Variants in LRRC4C observed in about 807,000 individuals in gnomAD.
LRRC4C encodes the protein leucine rich repeat containing 4C.
Under a neutral mutation model 33.6 loss-of-function variants are expected in LRRC4C, and 5 were observed. The ratio of observed to expected loss-of-function variants is 0.15; its 90% CI spans 0.08 to 0.31. The LOEUF (loss-of-function observed/expected upper bound fraction) is 0.31, where lower values mean the gene tolerates loss of function less well. Among genes scored for constraint, LRRC4C ranks in the 10% least tolerant of loss-of-function variants. The probability of loss-of-function intolerance (pLI) is 1.00; values close to 1 mark genes in which losing one functional copy is unlikely to be tolerated. For missense variants in LRRC4C, 560 were observed against 796.7 expected, an observed-to-expected ratio of 0.70 and a Z score of 3.58; for synonymous variants, 329 against 302.0, an observed-to-expected ratio of 1.09 and a Z score of -0.93.
At chr11:41,385,460 T>TA (rs575387756) in intron 1 of LRRC4C, among the ~76,000 whole-genome samples, 16 of 150,468 alleles carry the variant, frequency 1.1e-4, no homozygotes, top group East Asian at 7.8e-4. Flanking sequence ...ATGTTAATAG[T>TA]AAAAAAAAAC....
At chr11:40,643,404 G>C (rs1224589466) in intron 3 of LRRC4C, among the ~76,000 whole-genome samples, 3 of 152,084 alleles carry the variant, frequency 2.0e-5, no homozygotes, top group Non-Finnish European at 4.4e-5. Flanking sequence ...ATTTCCATCA[G>C]GGTAGCGTCA....
chr11:40,840,423 C>T (rs1952861702), intron 2 of LRRC4C, among the ~76,000 whole-genome samples: 1 of 152,074 alleles, frequency 6.6e-6, no homozygotes, highest in South Asian at 2.1e-4. Context: ...TTTTTTAGTG[C>T]TCCTGCAAAT....
chr11:40,116,115 C>G lies in LRRC4C; in HGVS notation c.178G>C (p.Val60Leu). The change falls in exon 7 of 7, where the codon GTG (valine) becomes CTG (leucine). Residue 60 changes from valine (V) to leucine (L), a missense_variant. This residue lies in a region of LRRC4C where 455 missense variants were observed against 643.8 expected (regional missense o/e 0.71). Transcript: ENST00000528697. ...VCSCSNQFSKVICVRKNLREV... is the reference protein window; with the variant it reads ...VCSCSNQFSKLICVRKNLREV... The stretch of plus-strand genomic sequence containing the variant: ...CGCAGGTTTTTCCGAACACAAATCA[C>G]CTTGCTGAACTGGTTGCTGCAGGAG... 6.2e-7 allele frequency: 1 copy of G among 1,614,080 alleles called. No homozygotes were observed. Among genetic ancestry groups the G allele is most frequent in the Non-Finnish European group, 8.5e-7 (1 of 1,180,014 alleles).
chr11:41,448,439 G>A (rs952833352), intron 1 of LRRC4C, among the ~76,000 whole-genome samples: 2 of 151,176 alleles, frequency 1.3e-5, no homozygotes, highest in Non-Finnish European at 1.5e-5. Context: ...CTGAGTAGCC[G>A]GGATTACAGG....
At position 41,239,116 on chromosome 11, in the gene LRRC4C, C is replaced by A. The variant is rs375954379; in HGVS notation, c.-496+220315G>T. ...GGATCACGAGGTCAGGAGATCGAGA[C>A]TATCCTGGCCAACACGGTGAAACCC... On this transcript the variant is annotated intron_variant, in intron 1 of 6. Transcript: ENST00000528697. Among the ~76,000 whole-genome samples the A allele has an allele frequency of 2.8e-5, 4 of 144,790 alleles. No homozygotes were observed. The East Asian group carries it at 6.1e-4, about 22-fold the overall frequency. 95.0% of individuals were successfully genotyped at this position (144,790 alleles called of 152,430 possible).
intron 4 of LRRC4C, among the ~76,000 whole-genome samples, chr11:40,288,662 T>C (rs1381873029): frequency 6.6e-6 from 1 of 152,226 alleles, no homozygotes; most frequent in Non-Finnish European, 1.5e-5. Context: ...TGTGTCTGCA[T>C]TAAATCTTCC....
At chr11:40,853,484 G>A (rs1953613563) in intron 2 of LRRC4C, among the ~76,000 whole-genome samples, 1 of 149,792 alleles carries the variant, frequency 6.7e-6, no homozygotes, top group African/African-American at 2.4e-5. Flanking sequence ...CTATAAAATA[G>A]CCTAACCAGG....
At chr11:40,458,682 TG>T (rs1442882212) in intron 3 of LRRC4C, among the ~76,000 whole-genome samples, 16 of 152,188 alleles carry the variant, frequency 1.1e-4, no homozygotes, top group African/African-American at 3.4e-4. Flanking sequence ...TGTTTTCTTT[TG>T]TAGGCAAGGA....
chr11:40,180,329 G>A (rs908571408), intron 5 of LRRC4C, among the ~76,000 whole-genome samples: 5 of 152,194 alleles, frequency 3.3e-5, no homozygotes, highest in African/African-American at 1.2e-4. Context: ...ATAAGATGAT[G>A]AATAATTTAC....
In LRRC4C at chr11:40,706,115, T is replaced by G. The variant is rs1288601240; in HGVS notation, c.-406-57837A>C. 5.9e-5 allele frequency among the ~76,000 whole-genome samples: 9 copies of G among 152,332 alleles called. No homozygotes were observed. The East Asian group carries it at 1.5e-3, about 26-fold the overall frequency. On this transcript the variant is annotated intron_variant, in intron 2 of 6. Coordinates refer to ENST00000528697, the MANE Select transcript of LRRC4C (RefSeq NM_001258419.2). ...TTGTAGATTCTGGATATTAGCCCTTTGTCAGATGGGTAGATTGCAAAAATT... is the reference window on the plus strand; with the variant it reads ...TTGTAGATTCTGGATATTAGCCCTTGGTCAGATGGGTAGATTGCAAAAATT...
chr11:40,908,462 T>A (rs892733879), intron 2 of LRRC4C, among the ~76,000 whole-genome samples: 3 of 151,586 alleles, frequency 2.0e-5, no homozygotes, highest in Non-Finnish European at 4.4e-5. Context: ...GCATTCAAGA[T>A]CTGTCTGTCA....
intron 3 of LRRC4C, among the ~76,000 whole-genome samples, chr11:40,460,089 G>C (rs1396032814): frequency 6.6e-6 from 1 of 151,964 alleles, no homozygotes; most frequent in Non-Finnish European, 1.5e-5. Context: ...GACTATCCGG[G>C]GTAGTTTACT....
intron 1 of LRRC4C, among the ~76,000 whole-genome samples, chr11:40,972,659 G>C (rs1851806339): frequency 2.0e-5 from 3 of 152,146 alleles, no homozygotes. Context: ...CGGTGGTAGA[G>C]AGAATGAGAG....
rs552708845 is a variant in LRRC4C, at chr11:41,413,409, G to A, written c.-496+46022C>T. ...AAAGTGGTTGGAATGAAAAGTGGTT[G>A]GAATGACACATGATAAACACTTGTT... On this transcript the variant is annotated intron_variant, in intron 1 of 6. Coordinates refer to ENST00000528697, the MANE Select transcript of LRRC4C (RefSeq NM_001258419.2). Among the ~76,000 whole-genome samples, 26 of 152,260 alleles carry A rather than the reference G, an allele frequency of 1.7e-4. 1 individual carries two copies. In the South Asian group the frequency reaches 5.4e-3, roughly 32 times the overall value.
intron 4 of LRRC4C, among the ~76,000 whole-genome samples, chr11:40,279,960 G>A (rs994838527): frequency 6.6e-6 from 1 of 152,064 alleles, no homozygotes; most frequent in Admixed American, 6.6e-5. Context: ...TAACAAATAA[G>A]TCCTTGATGA....
chr11:41,381,106 G>A (rs899684278), intron 1 of LRRC4C, among the ~76,000 whole-genome samples: 4 of 152,186 alleles, frequency 2.6e-5, no homozygotes, highest in African/African-American at 9.6e-5. Flanking sequence ...ATAGAGAAGC[G>A]AGCACATAGG....
At chr11:40,768,473 C>T (rs4756617) in intron 2 of LRRC4C, among the ~76,000 whole-genome samples, 121,613 of 151,920 alleles carry the variant, frequency 0.8, 48,878 homozygotes, top group African/African-American at 0.86. Context: ...AAACTTCTAC[C>T]CCACCCAAAT....
chr11:40,727,744 A>C (rs974237384), intron 2 of LRRC4C, among the ~76,000 whole-genome samples: 1 of 152,148 alleles, frequency 6.6e-6, no homozygotes, highest in South Asian at 2.1e-4. Context: ...CAGGCAAAGA[A>C]CATGTCAAAA....
At chr11:40,946,380 G>A (rs1048448100) in intron 1 of LRRC4C, among the ~76,000 whole-genome samples, 1 of 152,140 alleles carries the variant, frequency 6.6e-6, no homozygotes, top group Non-Finnish European at 1.5e-5. Context: ...ATGGTGAATA[G>A]TGCTGTTATA....
Sources: allele counts gnomAD v4.1 joint callset (sites outside exome capture counted in the v4.1 genomes callset), GRCh38; gene constraint gnomAD v4.1.1; regional missense constraint gnomAD v4.1.1; transcripts MANE v1.5; gene names NCBI Gene and HGNC (gene_info 2026-07-23, HGNC 2026-07-21).